The following ROCK1 variants were observed in gnomAD, a reference collection of about 807,000 sequenced individuals.
The protein encoded by ROCK1 is Rho associated coiled-coil containing protein kinase 1.
A neutral mutation model predicts 196.8 loss-of-function variants in ROCK1; 36 were observed. The observed-to-expected ratio is 0.18, with a 90% CI of 0.14 to 0.24. The LOEUF (loss-of-function observed/expected upper bound fraction) is 0.24. Ranked by LOEUF, ROCK1 falls within the 10% of genes least tolerant of loss-of-function variation. ROCK1 has a pLI of 1.00. For synonymous variants in ROCK1, 443 were observed against 515.9 expected, an observed-to-expected ratio of 0.86 and a Z score of 1.91; for missense variants, 920 against 1,562.0, an observed-to-expected ratio of 0.59 and a Z score of 6.93.
rs1182763737 is a variant in ROCK1, at chr18:20,955,233, G to A, written c.3525C>T (p.His1175=). 12 of 1,582,876 alleles carry A rather than the reference G, an allele frequency of 7.6e-6. No homozygotes were observed. Among genetic ancestry groups the A allele is most frequent in the South Asian group, 2.3e-5 (2 of 85,684 alleles). The part of the protein sequence containing the change: ...SMVLDIDKLF[H]VRPVTQGDVY... ...CATCTCCTTGGGTTACAGGTCTAAC[G>A]TGAAACAGTTTACTAAAATGAAAAT... The change falls in exon 30 of 33, where the codon CAC becomes CAT. Residue 1175 remains histidine (H), a synonymous_variant. Transcript: ENST00000399799.
chr18:21,080,899 C>T (rs537594998), intron 1 of ROCK1, among the ~76,000 whole-genome samples: 1 of 152,090 alleles, frequency 6.6e-6, no homozygotes, highest in South Asian at 2.1e-4. Context: ...GAAAGAAATA[C>T]ATAGTTCTAC....
At chr18:21,063,387 G>A (rs2036308339) in intron 2 of ROCK1, among the ~76,000 whole-genome samples, 2 of 152,136 alleles carry the variant, frequency 1.3e-5, no homozygotes, top group African/African-American at 4.8e-5. Flanking sequence ...AGAGGTTAGG[G>A]AACAAAAATG....
In ROCK1 at chr18:20,967,893, A is replaced by C. The variant is rs755323333; in HGVS notation, c.3051T>G (p.Ile1017Met). The C allele has an allele frequency of 8.2e-6, 13 of 1,586,540 alleles. No homozygotes were observed. The highest frequency in any genetic ancestry group is 1.4e-5 in the African/African-American group (1 of 73,760). ...AEIMNRKDFK[I>M]DRKKANTQDL... is the part of the protein sequence containing the mutation. ...CTTGTGTATTAGCTTTCTTTCTATC[A>C]ATTTTAAAATCTTTTCGATTCATTA... The change falls in exon 26 of 33, where the codon ATT becomes ATG. Residue 1017 changes from isoleucine to methionine, a missense_variant. This residue lies in a region of ROCK1 where 116 missense variants were observed against 204.2 expected (regional missense o/e 0.57). Coordinates refer to ENST00000399799, the MANE Select transcript of ROCK1 (RefSeq NM_005406.3).
rs763144767 is a variant in ROCK1, at chr18:20,982,803, C to T, written c.2519G>A (p.Arg840Gln). 3.2e-6 allele frequency: 5 copies of T among 1,579,902 alleles called. No individual in the cohort carries two copies. Among genetic ancestry groups the T allele is most frequent in the Middle Eastern group, 3.3e-4 (2 of 6,000 alleles). The change falls in exon 21 of 33, where the codon CGG becomes CAG. Residue 840 changes from arginine to glutamine, a missense_variant. Coordinates refer to ENST00000399799, the MANE Select transcript of ROCK1 (RefSeq NM_005406.3). ...KQYRGNEGQM[R>Q]ELQDQLEAEQ... ...AGCTTCAAGCTGATCTTGTAGCTCC[C>T]GCATCTGTCCTTCATTTCCTCTATA...
At position 21,006,523 on chromosome 18, in the gene ROCK1, C is replaced by T; in HGVS notation, c.1713G>A (p.Met571Ile). The T allele has an allele frequency of 6.2e-7, 1 of 1,613,830 alleles. No individual in the cohort carries two copies. The highest frequency in any genetic ancestry group is 8.5e-7 in the Non-Finnish European group (1 of 1,179,956). The change falls in exon 16 of 33, where the codon ATG becomes ATA. Residue 571 changes from methionine to isoleucine, a missense_variant. Physicochemically the swap from Met to Ile is conservative, Grantham distance 10. Coordinates refer to ENST00000399799, the MANE Select transcript of ROCK1 (RefSeq NM_005406.3). ...AVRLRKSHTE[M>I]SKSISQLESL... ...ACTCTAACTGACTAATTGACTTGCT[C>T]ATCTCTGTGTGACTCTTCCTCAATC...
At chr18:21,093,955 CAAAAA>C (rs67567031) in intron 1 of ROCK1, among the ~76,000 whole-genome samples, 1 of 140,408 alleles carries the variant, frequency 7.1e-6, no homozygotes, top group Non-Finnish European at 1.6e-5. Context: ...GACTCAATCT[CAAAAA>C]AAAAAAAAAA....
intron 1 of ROCK1, among the ~76,000 whole-genome samples, chr18:21,071,449 T>C (rs2143552346): frequency 6.6e-6 from 1 of 152,280 alleles, no homozygotes; most frequent in South Asian, 2.1e-4. Context: ...AGTGCTGGGA[T>C]TACAGGTGTG....
intron 18 of ROCK1, among the ~76,000 whole-genome samples, chr18:20,988,611 T>C (rs577587625): frequency 6.6e-6 from 1 of 152,306 alleles, no homozygotes; most frequent in South Asian, 2.1e-4. Flanking sequence ...CTGAACTTAC[T>C]ATCACTTCTG....
At position 20,959,185 on chromosome 18, in the gene ROCK1, A is replaced by AT. The variant is rs2035300703; in HGVS notation, c.3512+654dup. On this transcript the variant is annotated intron_variant, in intron 29 of 32. Coordinates refer to ENST00000399799, the MANE Select transcript of ROCK1 (RefSeq NM_005406.3). ...TATATTATATAATATATATAATATTATATATAATATATATAATACATATAA... is the reference window on the plus strand; with the variant it reads ...TATATTATATAATATATATAATATTATTATATAATATATATAATACATATAA... Among the ~76,000 whole-genome samples the AT allele has an allele frequency of 3.0e-5, 2 of 66,908 alleles. 1 individual carries two copies. Among genetic ancestry groups the AT allele is most frequent in the African/African-American group, 1.2e-4 (2 of 16,286 alleles). 43.9% of individuals were successfully genotyped at this position (66,908 alleles called of 152,430 possible).
chr18:21,072,036 A>G (rs898628106), intron 1 of ROCK1, among the ~76,000 whole-genome samples: 2 of 152,256 alleles, frequency 1.3e-5, no homozygotes, highest in Non-Finnish European at 2.9e-5. Context: ...ACCTACACAG[A>G]AAACAGACAT....
At chr18:21,059,715 T>A (rs932249890) in intron 2 of ROCK1, among the ~76,000 whole-genome samples, 1 of 152,134 alleles carries the variant, frequency 6.6e-6, no homozygotes, top group Non-Finnish European at 1.5e-5. Flanking sequence ...TAAAAACATA[T>A]GTCTACACAA....
chr18:21,090,992 G>A (rs2036564933), intron 1 of ROCK1, among the ~76,000 whole-genome samples: 1 of 151,860 alleles, frequency 6.6e-6, no homozygotes, highest in Non-Finnish European at 1.5e-5. Flanking sequence ...CTGTTTTTCT[G>A]TAACAGTTGA....
intron 13 of ROCK1, among the ~76,000 whole-genome samples, chr18:21,012,898 C>A (rs1015667186): frequency 6.6e-6 from 1 of 152,178 alleles, no homozygotes; most frequent in African/African-American, 2.4e-5. Flanking sequence ...CGCTCCTCTG[C>A]ATTGTTCACT....
intron 1 of ROCK1, among the ~76,000 whole-genome samples, chr18:21,094,585 A>AC (rs2036597029): frequency 6.7e-6 from 1 of 149,754 alleles, no homozygotes; most frequent in African/African-American, 2.5e-5. Context: ...AAAAAAAGAA[A>AC]AAAAAATACA....
intron 16 of ROCK1, among the ~76,000 whole-genome samples, chr18:21,004,985 A>C (rs1165816502): frequency 1.3e-5 from 2 of 152,182 alleles, no homozygotes; most frequent in Non-Finnish European, 2.9e-5. Flanking sequence ...ATTATAGCTA[A>C]TCATCAAGCC....
chr18:21,071,061 T>G (rs926565344), intron 1 of ROCK1, among the ~76,000 whole-genome samples: 1 of 152,188 alleles, frequency 6.6e-6, no homozygotes, highest in Non-Finnish European at 1.5e-5. Context: ...AAATGCAAGC[T>G]ATATACATTT....
intron 1 of ROCK1, among the ~76,000 whole-genome samples, chr18:21,110,578 G>A (rs1408412004): frequency 6.6e-6 from 1 of 152,150 alleles, no homozygotes; most frequent in Non-Finnish European, 1.5e-5. Flanking sequence ...TATCTTTCGG[G>A]TACTCATGAA....
intron 1 of ROCK1, among the ~76,000 whole-genome samples, chr18:21,104,817 T>C (rs1345578521): frequency 1.3e-5 from 2 of 152,184 alleles, no homozygotes; most frequent in Non-Finnish European, 2.9e-5. Flanking sequence ...ACAAAGTATA[T>C]ACCATATTAT....
intron 2 of ROCK1, among the ~76,000 whole-genome samples, chr18:21,064,553 G>C (rs1398875649): frequency 6.6e-6 from 1 of 152,202 alleles, no homozygotes; most frequent in African/African-American, 2.4e-5. Context: ...CTCATGTAGT[G>C]AAATTATCCT....
Sources: gnomAD v4.1 joint callset for allele counts (sites outside exome capture counted in the v4.1 genomes callset) on GRCh38, gnomAD v4.1.1 for gene constraint, gnomAD v4.1.1 regional missense constraint, MANE v1.5 for transcripts, NCBI Gene and HGNC (gene_info 2026-07-23, HGNC 2026-07-21) for gene names.